Variants in THOC1 observed in about 807,000 individuals in gnomAD.
THOC1 encodes the protein THO complex subunit 1, also known as THO complex 1.
A neutral mutation model predicts 97.3 loss-of-function variants in THOC1; 29 were observed. The observed-to-expected ratio is 0.30, with a 90% confidence interval of 0.22 to 0.41. THOC1 has a LOEUF of 0.41. Ranked by LOEUF, THOC1 falls within the 10% of genes least tolerant of loss-of-function variation. The probability of loss-of-function intolerance (pLI) is 1.00; values close to 1 mark genes in which losing one functional copy is unlikely to be tolerated. For synonymous variants in THOC1, 255 were observed against 257.0 expected (o/e 0.99, Z 0.07); for missense variants, 529 against 761.9 (o/e 0.69, Z 3.60).
intron 1 of THOC1, among the ~76,000 whole-genome samples, chr18:266,226 C>A (rs1445154633): frequency 2.0e-5 from 3 of 152,340 alleles, no homozygotes; most frequent in Admixed American, 1.3e-4. Context: ...AGAAAGTCAT[C>A]TTATTACCTC....
intron 18 of THOC1, among the ~76,000 whole-genome samples, chr18:217,303 C>T (rs1326442698): frequency 6.6e-6 from 1 of 152,216 alleles, no homozygotes; most frequent in Non-Finnish European, 1.5e-5. Context: ...CAAGTTAACA[C>T]CTGCTGTGAG....
At chr18:221,765 CACTT>C (rs1911094671) in intron 17 of THOC1, among the ~76,000 whole-genome samples, 1 of 152,070 alleles carries the variant, frequency 6.6e-6, no homozygotes, top group African/African-American at 2.4e-5. Context: ...CCTGCCACCA[CACTT>C]GGCTAATTTT....
At chr18:245,180 T>A (rs1912048238) in intron 11 of THOC1, 1 of 152,188 alleles carries the variant, frequency 6.6e-6, no homozygotes. Flanking sequence ...TATATATATA[T>A]ATCCCAATAG....
intron 11 of THOC1, among the ~76,000 whole-genome samples, chr18:235,142 AT>A (rs1162336095): frequency 6.9e-6 from 1 of 144,038 alleles, no homozygotes; most frequent in Non-Finnish European, 1.5e-5. Context: ...AACAATTCCC[AT>A]TTTATTAGGC....
At chr18:251,894 G>A (rs1416652957) in intron 9 of THOC1, among the ~76,000 whole-genome samples, 1 of 152,160 alleles carries the variant, frequency 6.6e-6, no homozygotes, top group African/African-American at 2.4e-5. Context: ...TTTCTCAAAT[G>A]CATGTATAGC....
intron 9 of THOC1, among the ~76,000 whole-genome samples, chr18:249,537 T>C (rs577466253): frequency 1.2e-4 from 19 of 152,028 alleles, no homozygotes; most frequent in Admixed American, 7.2e-4. Context: ...TGGTGCGTGC[T>C]TGTAGTCCCA....
At chr18:248,359 C>T (rs907101383) in intron 9 of THOC1, among the ~76,000 whole-genome samples, 11 of 152,062 alleles carry the variant, frequency 7.2e-5, no homozygotes, top group African/African-American at 1.2e-4. Flanking sequence ...CAGATGTGAG[C>T]GTGAGCCACC....
intron 6 of THOC1, 53 bp from the exon 7 acceptor site, chr18:259,328 T>G: frequency 7.0e-7 from 1 of 1,426,340 alleles, no homozygotes; most frequent in Non-Finnish European, 9.7e-7. Flanking sequence ...CTATGTTTAT[T>G]ACAACCACAC....
Position 254,143 on chromosome 18 carries a change from C to T in THOC1, c.603+130G>A. ...TCCAGGCTGGTCTTGAACTCCTAGG[C>T]TCAAGCGATCTGCCCACCTCAGCCT... On this transcript the variant is annotated intron_variant, in intron 8 of 20. Coordinates refer to ENST00000261600, the MANE Select transcript of THOC1 (RefSeq NM_005131.3). This position sits in a 1 kb window ranked among gnomAD's most constrained non-coding sequence, Gnocchi z 4.1. The T allele has an allele frequency of 1.5e-6, 1 of 653,740 alleles. No individual in the cohort carries two copies. Among genetic ancestry groups the T allele is most frequent in the Admixed American group, 2.4e-5 (1 of 42,018 alleles). The allele number at this position is 653,740 out of a possible 1,614,324, so 40.5% of individuals were successfully genotyped here. A position where few individuals can be genotyped will look rare whatever the true frequency, so the allele number is the denominator to read the frequency against.
At chr18:253,471 A>T (rs1912343197) in intron 8 of THOC1, among the ~76,000 whole-genome samples, 1 of 152,246 alleles carries the variant, frequency 6.6e-6, no homozygotes, top group Non-Finnish European at 1.5e-5. Flanking sequence ...TCTTAAAGGA[A>T]GAAAGTGAAT....
chr18:263,859 AAG>A, intron 4 of THOC1, 165 bp downstream of exon 4: 1 of 582,842 alleles, frequency 1.7e-6, no homozygotes, highest in Non-Finnish European at 3.1e-6. Flanking sequence ...GATGAGAAAT[AAG>A]AGTGAACTAA....
rs2143279353 is a variant in THOC1 at position 254,446 on chromosome 18, C to G, written c.521-91G>C. 1.3e-6 allele frequency: 1 copy of G among 774,028 alleles called. No individual in the cohort carries two copies. The highest frequency in any genetic ancestry group is 2.7e-5 in the East Asian group (1 of 36,952). 47.9% of individuals were successfully genotyped at this position (774,028 alleles called of 1,614,324 possible). A position where few individuals can be genotyped will look rare whatever the true frequency, so the allele number is the denominator to read the frequency against. ...TGTCATAATCAAAACTACAAAATGCCAAATCCATAAAGAGCAGTCAAAATT... is the reference window on the plus strand; with the variant it reads ...TGTCATAATCAAAACTACAAAATGCGAAATCCATAAAGAGCAGTCAAAATT... On this transcript the variant is annotated intron_variant, in intron 7 of 20. Coordinates refer to ENST00000261600, the MANE Select transcript of THOC1 (RefSeq NM_005131.3). The surrounding 1 kb of genome is among the most constrained non-coding windows in gnomAD (Gnocchi z 4.1).
chr18:226,000 G>T (rs189881206), intron 12 of THOC1: 1 of 152,296 alleles, frequency 6.6e-6, no homozygotes, highest in African/African-American at 2.4e-5. Context: ...TCACTGATTT[G>T]CCCAAGGCCA....
intron 11 of THOC1, among the ~76,000 whole-genome samples, chr18:241,455 G>C (rs781211881): frequency 2.0e-5 from 3 of 152,134 alleles, no homozygotes; most frequent in Non-Finnish European, 2.9e-5. Context: ...GCAAAATTGT[G>C]AATTTTCTTT....
Position 265,604 on chromosome 18 carries a change from G to A in THOC1, c.55-74C>T. On this transcript the variant is annotated intron_variant, in intron 1 of 20. Coordinates refer to ENST00000261600, the MANE Select transcript of THOC1 (RefSeq NM_005131.3). The stretch of plus-strand genomic sequence containing the variant: ...TTTGCTGAAAAATATATCGTTCATT[G>A]ATAGTGTATCTTACTAACTAAAAAA... The A allele has an allele frequency of 3.3e-6, 4 of 1,207,340 alleles. No individual in the cohort carries two copies. In the South Asian group the frequency reaches 5.9e-5, roughly 18 times the overall value. 74.8% of individuals were successfully genotyped at this position (1,207,340 alleles called of 1,614,324 possible).
chr18:265,267 G>GTCAGTAAAAT, intron 3 of THOC1, 36 bp downstream of exon 3: 1 of 1,499,998 alleles, frequency 6.7e-7, no homozygotes, highest in Non-Finnish European at 9.0e-7. Context: ...TTATTAATTT[G>GTCAGTAAAAT]TCAGTAAAAT....
Position 259,166 on chromosome 18 carries a change from G to A in THOC1, c.520+14C>T, listed in dbSNP as rs754983891. 8 of 1,588,274 alleles carry A rather than the reference G, an allele frequency of 5.0e-6. No individual in the cohort carries two copies. In the East Asian group the frequency reaches 1.6e-4, roughly 31 times the overall value. ...TTTTCCTGCAGAAAACTCATTTAAT[G>A]CATAAAAGCTTACCTGATTTCTCAG... On this transcript the variant is annotated intron_variant, in intron 7 of 20. Coordinates refer to ENST00000261600, the MANE Select transcript of THOC1 (RefSeq NM_005131.3).
chr18:223,372 G>C, intron 17 of THOC1, 68 bp downstream of exon 17: 1 of 1,291,690 alleles, frequency 7.7e-7, no homozygotes, highest in Non-Finnish European at 1.1e-6. Flanking sequence ...GATCATAGCT[G>C]AGAAAAGGCT....
chr18:259,375 C>T, intron 6 of THOC1, 100 bp from the exon 7 acceptor site: 1 of 998,046 alleles, frequency 1.0e-6, no homozygotes, highest in Non-Finnish European at 1.5e-6. Flanking sequence ...AGAGTATTTT[C>T]CTAAAGCAGT....
Sources: gnomAD v4.1 joint callset for allele counts (sites outside exome capture counted in the v4.1 genomes callset) on GRCh38, gnomAD v4.1.1 for gene constraint, Gnocchi (gnomAD v3.1) non-coding constraint, MANE v1.5 for transcripts, NCBI Gene and HGNC (gene_info 2026-07-23, HGNC 2026-07-21) for gene names.